The following PTPRD variants were observed in gnomAD, a reference collection of about 807,000 sequenced individuals.
The protein encoded by PTPRD is protein tyrosine phosphatase receptor type D, also known as receptor-type tyrosine-protein phosphatase delta.
In PTPRD, 34 loss-of-function variants were observed where a neutral mutation model predicts 214.5. The observed-to-expected ratio is 0.16, with a 90% CI of 0.12 to 0.21. The LOEUF is 0.21. Among genes scored for constraint, PTPRD ranks in the 10% least tolerant of loss-of-function variants. The pLI is 1.00. For synonymous variants in PTPRD, 1,128 were observed against 845.7 expected, an observed-to-expected ratio of 1.33 and a Z score of -5.79; for missense variants, 2,545 against 2,398.7, an observed-to-expected ratio of 1.06 and a Z score of -1.27.
chr9:9,536,079 C>G (rs976217201), intron 8 of PTPRD, among the ~76,000 whole-genome samples: 5 of 152,002 alleles, frequency 3.3e-5, no homozygotes, highest in African/African-American at 1.2e-4. Flanking sequence ...ATAACAGTAT[C>G]TGTTACTGTT....
At chr9:10,078,177 A>G (rs1290133003) in intron 3 of PTPRD, among the ~76,000 whole-genome samples, 1 of 151,968 alleles carries the variant, frequency 6.6e-6, no homozygotes, top group Admixed American at 6.6e-5. Flanking sequence ...CAAATATCTT[A>G]TACCAATAAT....
chr9:9,998,340 T>A (rs2096218791), intron 4 of PTPRD, among the ~76,000 whole-genome samples: 1 of 151,114 alleles, frequency 6.6e-6, no homozygotes. Flanking sequence ...ACTGCCATTA[T>A]AGCACAGGAG....
intron 9 of PTPRD, among the ~76,000 whole-genome samples, chr9:9,362,990 G>A (rs866708384): frequency 4.6e-5 from 7 of 151,272 alleles, no homozygotes; most frequent in Admixed American, 6.6e-5. Context: ...CTAATTAACA[G>A]GAGGCAGCTC....
intron 40 of PTPRD, 91 bp downstream of exon 40, chr9:8,341,602 A>T: frequency 2.8e-6 from 4 of 1,417,288 alleles, no homozygotes; most frequent in Non-Finnish European, 3.9e-6. Flanking sequence ...CTTGTACTTC[A>T]CAAATTTGAA....
chr9:9,677,359 T>C (rs1165024445), intron 7 of PTPRD, among the ~76,000 whole-genome samples: 1 of 151,812 alleles, frequency 6.6e-6, no homozygotes, highest in Non-Finnish European at 1.5e-5. Context: ...CTAGCCAGTT[T>C]TCCCAGCACC....
intron 2 of PTPRD, among the ~76,000 whole-genome samples, chr9:10,347,224 C>T (rs1597689452): frequency 2.0e-5 from 3 of 151,960 alleles, no homozygotes; most frequent in East Asian, 3.9e-4. Flanking sequence ...AGAACTAGTC[C>T]TGCCTCTATG....
At chr9:9,924,502 A>G (rs951100484) in intron 5 of PTPRD, among the ~76,000 whole-genome samples, 7 of 152,094 alleles carry the variant, frequency 4.6e-5, no homozygotes, top group Non-Finnish European at 7.4e-5. Context: ...TCATGTTGCT[A>G]CAAAAGCCCT....
chr9:10,093,285 G>C (rs1007994070), intron 3 of PTPRD, among the ~76,000 whole-genome samples: 1 of 151,378 alleles, frequency 6.6e-6, no homozygotes, highest in Admixed American at 6.6e-5. Context: ...ATGAGTAAAA[G>C]ACAGGAACAG....
At chr9:10,199,981 A>C (rs751620554) in intron 3 of PTPRD, among the ~76,000 whole-genome samples, 1 of 152,054 alleles carries the variant, frequency 6.6e-6, no homozygotes, top group Non-Finnish European at 1.5e-5. Flanking sequence ...AGATTATTTT[A>C]AGTTAGAATT....
At chr9:8,908,714 A>C (rs2154258846) in intron 11 of PTPRD, among the ~76,000 whole-genome samples, 1 of 151,800 alleles carries the variant, frequency 6.6e-6, no homozygotes, top group Non-Finnish European at 1.5e-5. Context: ...TAAACCCCAA[A>C]ACAAACATAA....
chr9:9,191,388 TG>T (rs1228232251), intron 9 of PTPRD, among the ~76,000 whole-genome samples: 1 of 152,094 alleles, frequency 6.6e-6, no homozygotes, highest in African/African-American at 2.4e-5. Context: ...ACCCCAGTCC[TG>T]GCTGATACCC....
chr9:8,465,356 T>G (rs531538516), intron 32 of PTPRD, 110 bp downstream of exon 32: 1 of 980,306 alleles, frequency 1.0e-6, no homozygotes, highest in East Asian at 2.4e-5. Context: ...TTAATAACAG[T>G]TCATGAGAAA....
chr9:9,405,728 C>T (rs1057420677), intron 8 of PTPRD, among the ~76,000 whole-genome samples: 3 of 151,946 alleles, frequency 2.0e-5, no homozygotes, highest in African/African-American at 7.2e-5. Context: ...GAATTTTTAT[C>T]CTGTACCTTG....
At chr9:9,874,917 A>G (rs569879430) in intron 5 of PTPRD, among the ~76,000 whole-genome samples, 1 of 152,282 alleles carries the variant, frequency 6.6e-6, no homozygotes. Flanking sequence ...ATAAAATCTT[A>G]TGATTCCAAG....
intron 14 of PTPRD, among the ~76,000 whole-genome samples, chr9:8,623,406 G>T (rs1003473468): frequency 3.3e-5 from 5 of 151,900 alleles, no homozygotes; most frequent in Non-Finnish European, 7.4e-5. Flanking sequence ...GGTGGCATCT[G>T]GACCACATGA....
chr9:9,191,207 C>G (rs1034968145), intron 9 of PTPRD, among the ~76,000 whole-genome samples: 1 of 152,024 alleles, frequency 6.6e-6, no homozygotes, highest in Non-Finnish European at 1.5e-5. Context: ...GATGACTAGC[C>G]CTATAGAAGG....
chr9:8,915,122 CAG>C (rs2098775581), intron 11 of PTPRD, among the ~76,000 whole-genome samples: 1 of 151,982 alleles, frequency 6.6e-6, no homozygotes, highest in African/African-American at 2.4e-5. Flanking sequence ...CAAAACTATC[CAG>C]AGTCTCATAT....
chr9:8,596,450 C>A (rs537619429), intron 14 of PTPRD, among the ~76,000 whole-genome samples: 24 of 152,010 alleles, frequency 1.6e-4, no homozygotes, highest in Admixed American at 1.0e-3. Context: ...ACATTGAGTT[C>A]ATGGTTCTAT....
At chr9:9,413,027 T>G (rs1587701433) in intron 8 of PTPRD, among the ~76,000 whole-genome samples, 1 of 151,948 alleles carries the variant, frequency 6.6e-6, no homozygotes, top group East Asian at 1.9e-4. Context: ...GATGTAGGGT[T>G]GTTATTCCAT....
Sources: allele counts gnomAD v4.1 joint callset (sites outside exome capture counted in the v4.1 genomes callset), GRCh38; gene constraint gnomAD v4.1.1; transcripts MANE v1.5; gene names NCBI Gene and HGNC (gene_info 2026-07-23, HGNC 2026-07-21).